Variants in BRINP3 observed in about 807,000 individuals in gnomAD.
BRINP3 encodes BMP/retinoic acid-inducible neural-specific protein 3.
Under a neutral mutation model 71.0 loss-of-function variants are expected in BRINP3, and 19 were observed. That is an observed-to-expected ratio of 0.27 (90% CI 0.19 to 0.39). The LOEUF is 0.39. Among genes scored for constraint, BRINP3 ranks in the 10% least tolerant of loss-of-function variants. The pLI is 1.00. For missense variants in BRINP3, 959 were observed against 940.8 expected, an observed-to-expected ratio of 1.02 and a Z score of -0.25; for synonymous variants, 380 against 337.7, an observed-to-expected ratio of 1.13 and a Z score of -1.37.
intron 7 of BRINP3, among the ~76,000 whole-genome samples, chr1:190,138,580 G>A (rs769699542): frequency 4.6e-5 from 7 of 152,110 alleles, no homozygotes; most frequent in Non-Finnish European, 8.8e-5. Context: ...TTGAGCCTTG[G>A]TATAGGTGGC....
At chr1:190,109,554 G>T in intron 7 of BRINP3, among the ~76,000 whole-genome samples, 1 of 152,202 alleles carries the variant, frequency 6.6e-6, no homozygotes. Context: ...AGCTGGACAA[G>T]CATCATTTCT....
At chr1:190,423,018 A>G (rs977532508) in intron 2 of BRINP3, among the ~76,000 whole-genome samples, 11 of 151,924 alleles carry the variant, frequency 7.2e-5, no homozygotes, top group African/African-American at 2.4e-4. Flanking sequence ...CAGCCTAGGC[A>G]GGCAGTAAGC....
chr1:190,098,014 A>T lies in BRINP3; in HGVS notation c.*4T>A. ...AGATTTTGGGTTGTGCTTGACATTTATGGTTAACTACATAATTTGGTCGTG... is the reference window on the plus strand; with the variant it reads ...AGATTTTGGGTTGTGCTTGACATTTTTGGTTAACTACATAATTTGGTCGTG... On this transcript the variant is annotated 3_prime_UTR_variant, in exon 8 of 8. Coordinates refer to ENST00000367462, the MANE Select transcript of BRINP3 (RefSeq NM_199051.3). The T allele has an allele frequency of 1.3e-6, 2 of 1,592,816 alleles. No individual in the cohort carries two copies. The highest frequency in any genetic ancestry group is 1.7e-6 in the Non-Finnish European group (2 of 1,168,810).
At chr1:190,101,942 C>T (rs945789188) in intron 7 of BRINP3, among the ~76,000 whole-genome samples, 30 of 152,216 alleles carry the variant, frequency 2.0e-4, no homozygotes, top group Admixed American at 5.9e-4. Flanking sequence ...GGAAGGAAAG[C>T]GTTTCGGCTG....
intron 6 of BRINP3, among the ~76,000 whole-genome samples, chr1:190,166,253 G>A (rs1161158760): frequency 6.6e-6 from 1 of 152,292 alleles, no homozygotes; most frequent in African/African-American, 2.4e-5. Flanking sequence ...GGGTACATAA[G>A]GGTATAAATC....
At chr1:190,360,595 A>C (rs1669077223) in intron 2 of BRINP3, among the ~76,000 whole-genome samples, 1 of 152,184 alleles carries the variant, frequency 6.6e-6, no homozygotes, top group Non-Finnish European at 1.5e-5. Context: ...TTTCTCAAAT[A>C]ATCATATTTT....
At position 190,291,448 on chromosome 1, in the gene BRINP3, TA is replaced by T. The variant is rs796779747; in HGVS notation, c.237-9699del. Reference sequence around the variant, plus strand: ...ATAAGGTGCTAAAATAAATCAATAATAAAAAGTAAAACAAATAAAAATACCC... The same window carrying T: ...ATAAGGTGCTAAAATAAATCAATAATAAAAGTAAAACAAATAAAAATACCC... On this transcript the variant is annotated intron_variant, in intron 2 of 7. Transcript: ENST00000367462. Among the ~76,000 whole-genome samples, 448 of 151,782 alleles carry T rather than the reference TA, an allele frequency of 3.0e-3. 4 individuals are homozygous for T. The highest frequency in any genetic ancestry group is 0.01 in the African/African-American group (415 of 41,394).
intron 2 of BRINP3, among the ~76,000 whole-genome samples, chr1:190,383,900 T>G (rs368436628): frequency 1.3e-5 from 2 of 151,976 alleles, no homozygotes; most frequent in South Asian, 2.1e-4. Context: ...TTGCTTCTTA[T>G]TCTAAGCACT....
At chr1:190,371,278 A>C (rs2102191013) in intron 2 of BRINP3, among the ~76,000 whole-genome samples, 1 of 152,264 alleles carries the variant, frequency 6.6e-6, no homozygotes, top group African/African-American at 2.4e-5. Flanking sequence ...CTTTCCTCTA[A>C]GTTTTCTTCT....
intron 6 of BRINP3, among the ~76,000 whole-genome samples, chr1:190,223,080 C>T (rs1022343769): frequency 2.6e-5 from 4 of 151,946 alleles, no homozygotes; most frequent in African/African-American, 9.7e-5. Context: ...TCACTGCTAA[C>T]TCTACCAAAA....
intron 7 of BRINP3, among the ~76,000 whole-genome samples, chr1:190,119,346 G>A (rs1336635326): frequency 1.3e-5 from 2 of 151,834 alleles, no homozygotes; most frequent in South Asian, 4.1e-4. Flanking sequence ...GCACGATCTC[G>A]GCTCACTGCA....
intron 2 of BRINP3, among the ~76,000 whole-genome samples, chr1:190,376,844 T>C (rs1670216281): frequency 1.3e-5 from 2 of 152,152 alleles, no homozygotes; most frequent in Non-Finnish European, 2.9e-5. Context: ...TGTTTGTGTT[T>C]GTTTTTAAAC....
intron 4 of BRINP3, among the ~76,000 whole-genome samples, chr1:190,236,891 C>G (rs768576319): frequency 6.6e-6 from 1 of 151,878 alleles, no homozygotes; most frequent in Non-Finnish European, 1.5e-5. Flanking sequence ...TAAACACACA[C>G]ACGCCTGCCT....
chr1:190,194,142 A>G (rs1459840620), intron 6 of BRINP3, among the ~76,000 whole-genome samples: 2 of 152,136 alleles, frequency 1.3e-5, no homozygotes, highest in Non-Finnish European at 2.9e-5. Context: ...AAGTAATCTT[A>G]TAACAGGGAG....
At chr1:190,314,099 G>C (rs956175634) in intron 2 of BRINP3, among the ~76,000 whole-genome samples, 2 of 151,884 alleles carry the variant, frequency 1.3e-5, no homozygotes, top group African/African-American at 4.8e-5. Flanking sequence ...TGTATATGTA[G>C]AGTACTATGA....
At chr1:190,284,263 T>C (rs1663255059) in intron 2 of BRINP3, among the ~76,000 whole-genome samples, 1 of 152,012 alleles carries the variant, frequency 6.6e-6, no homozygotes, top group African/African-American at 2.4e-5. Context: ...TAAAACAAAT[T>C]ATGTATCTTA....
At chr1:190,281,345 G>C (rs1434356530) in intron 3 of BRINP3, among the ~76,000 whole-genome samples, 1 of 151,906 alleles carries the variant, frequency 6.6e-6, no homozygotes, top group Non-Finnish European at 1.5e-5. Flanking sequence ...ATTGTAAATA[G>C]CTTTCATGCA....
chr1:190,219,610 T>A (rs1325703197), intron 6 of BRINP3, among the ~76,000 whole-genome samples: 1 of 151,604 alleles, frequency 6.6e-6, no homozygotes, highest in Non-Finnish European at 1.5e-5. Context: ...GAGGCCGAGG[T>A]GGGTGGATCA....
chr1:190,169,321 A>G (rs1295409762), intron 6 of BRINP3, among the ~76,000 whole-genome samples: 2 of 152,152 alleles, frequency 1.3e-5, no homozygotes, highest in African/African-American at 4.8e-5. Context: ...CTCTGGTGAC[A>G]TTACTGATAA....
Sources: gnomAD v4.1 joint callset for allele counts (sites outside exome capture counted in the v4.1 genomes callset) on GRCh38, gnomAD v4.1.1 for gene constraint, MANE v1.5 for transcripts, NCBI Gene and HGNC (gene_info 2026-07-23, HGNC 2026-07-21) for gene names.